Variants in TCF20 observed in about 807,000 individuals in gnomAD.
TCF20 encodes SPRE-binding protein.
In TCF20, 3 loss-of-function variants were observed where a neutral mutation model predicts 148.6. The ratio of observed to expected loss-of-function variants is 0.02; its 90% CI spans 0.01 to 0.05. TCF20 has a LOEUF of 0.05. Among genes scored for constraint, TCF20 ranks in the 10% least tolerant of loss-of-function variants. The pLI is 1.00. For missense variants in TCF20, 2,350 were observed against 2,429.3 expected (o/e 0.97, Z 0.69); for synonymous variants, 1,049 against 909.5 (o/e 1.15, Z -2.76).
intron 2 of TCF20, among the ~76,000 whole-genome samples, chr22:42,180,171 G>A (rs1421406491): frequency 6.6e-6 from 1 of 152,004 alleles, no homozygotes; most frequent in Admixed American, 6.6e-5. Flanking sequence ...AGTGGAATTT[G>A]GTTTCTAGTT....
At chr22:42,305,115 G>A (rs1927409363) in intron 1 of TCF20, among the ~76,000 whole-genome samples, 1 of 152,026 alleles carries the variant, frequency 6.6e-6, no homozygotes, top group Non-Finnish European at 1.5e-5. Context: ...ACCCCCTGGA[G>A]CCCCTCCCCA....
rs547322777 is a variant in TCF20 at position 42,340,894 on chromosome 22, C to G, written c.-37+2585G>C. 9.7e-3 allele frequency among the ~76,000 whole-genome samples: 1,327 copies of G among 136,794 alleles called. 20 individuals carry two copies. Among genetic ancestry groups the G allele is most frequent in the African/African-American group, 0.033 (1,252 of 37,468 alleles). The allele number at this position is 136,794 out of a possible 152,430, so 89.7% of individuals were successfully genotyped here. On this transcript the variant is annotated intron_variant, in intron 1 of 1. Coordinates refer to the TCF20 transcript ENST00000515426. ...AGGAGAGGAGGGAAGCCCCCCCCCC[C>G]ACCCCAACCAGCCCGCAGCCGGCTC...
Position 42,211,187 on chromosome 22 carries a change from C to T in TCF20, c.4119G>A (p.Ala1373=), listed in dbSNP as rs533790420. 2.1e-4 allele frequency: 341 copies of T among 1,614,192 alleles called. 1 individual carries two copies. In the South Asian group the frequency reaches 3.4e-3, roughly 16 times the overall value. ...GCGTAACCGTGTCTCCCCCAGCCTCCGCACTGTTCGAAGATGCGCTCCTCC... is the reference window on the plus strand; with the variant it reads ...GCGTAACCGTGTCTCCCCCAGCCTCTGCACTGTTCGAAGATGCGCTCCTCC... ...NIRRSASSNS[A]EAGGDTVTLD... Residue 1373 remains alanine (A), a synonymous_variant, in exon 2 of 6, where the codon GCG becomes GCA. Coordinates refer to ENST00000677622, the MANE Select transcript of TCF20 (RefSeq NM_001378418.1).
chr22:42,254,076 CAAAAAAAAAAAA>C (rs528387021), intron 1 of TCF20, among the ~76,000 whole-genome samples: 3 of 53,584 alleles, frequency 5.6e-5, no homozygotes, highest in Admixed American at 4.1e-4. Context: ...AACTCCCTTT[CAAAAAAAAAAAA>C]AAAAAAAAAA....
chr22:42,292,693 C>T lies in TCF20; in HGVS notation c.-37+50786G>A, dbSNP rs988372226. Among the ~76,000 whole-genome samples, 3 of 152,032 alleles carry T rather than the reference C, an allele frequency of 2.0e-5. No individual in the cohort carries two copies. The highest frequency in any genetic ancestry group is 2.9e-5 in the Non-Finnish European group (2 of 68,010). ...CCTGTTTGAGCTGCAAAGCAGCACACACCTGGGACACAGGACCCCACGGCT... is the reference window on the plus strand; with the variant it reads ...CCTGTTTGAGCTGCAAAGCAGCACATACCTGGGACACAGGACCCCACGGCT... On this transcript the variant is annotated intron_variant, in intron 1 of 1. Coordinates refer to the TCF20 transcript ENST00000515426. This position sits in a 1 kb window ranked among gnomAD's most constrained non-coding sequence, Gnocchi z 4.9.
intron 1 of TCF20, among the ~76,000 whole-genome samples, chr22:42,303,428 G>T (rs76585242): frequency 2.0e-5 from 3 of 152,254 alleles, no homozygotes; most frequent in African/African-American, 7.2e-5. Flanking sequence ...CCGAGCGTTC[G>T]CTCGGTGCAG....
chr22:42,266,956 A>G (rs1391077622), intron 1 of TCF20, among the ~76,000 whole-genome samples: 1 of 151,938 alleles, frequency 6.6e-6, no homozygotes, highest in East Asian at 1.9e-4. Flanking sequence ...TGTAATATAC[A>G]TGTGAGCATG....
chr22:42,296,239 G>A (rs566362690), intron 1 of TCF20, among the ~76,000 whole-genome samples: 6 of 152,300 alleles, frequency 3.9e-5, no homozygotes, highest in Admixed American at 6.5e-5. Context: ...CTCAGCGAAC[G>A]GGATGCTGTG....
chr22:42,184,834 A>G (rs1785427700), intron 2 of TCF20, among the ~76,000 whole-genome samples: 1 of 152,224 alleles, frequency 6.6e-6, no homozygotes, highest in African/African-American at 2.4e-5. Flanking sequence ...TTGATACTCT[A>G]AACTTGGGAA....
chr22:42,183,588 CT>C (rs1416806134), intron 2 of TCF20, among the ~76,000 whole-genome samples: 28 of 152,172 alleles, frequency 1.8e-4, no homozygotes, highest in Non-Finnish European at 5.9e-5. Flanking sequence ...AGACTCTGGA[CT>C]TTTCCAAAGC....
intron 1 of TCF20, among the ~76,000 whole-genome samples, chr22:42,294,857 G>A (rs866144687): frequency 1.3e-5 from 2 of 152,330 alleles, no homozygotes; most frequent in South Asian, 2.1e-4. Context: ...AATACACACC[G>A]GTGCTGTGGT....
chr22:42,339,794 GTGCTCACGGGGCCAGCCTGA>G (rs1186434187), intron 1 of TCF20, among the ~76,000 whole-genome samples: 1 of 152,212 alleles, frequency 6.6e-6, no homozygotes, highest in Non-Finnish European at 1.5e-5. Flanking sequence ...GGCCAGCCAG[GTGCTCACGGGGCCAGCCTGA>G]TGCTCACGGA....
At chr22:42,328,824 C>T (rs1259421868) in intron 1 of TCF20, among the ~76,000 whole-genome samples, 1 of 152,218 alleles carries the variant, frequency 6.6e-6, no homozygotes, top group African/African-American at 2.4e-5. Context: ...AAAGCCCCCA[C>T]CCCAGGTCTT....
At chr22:42,229,726 T>G (rs1041152073) in intron 1 of TCF20, among the ~76,000 whole-genome samples, 1 of 152,228 alleles carries the variant, frequency 6.6e-6, no homozygotes, top group Non-Finnish European at 1.5e-5. Flanking sequence ...TTTCCAAATC[T>G]GAGTCATTCC....
At chr22:42,232,300 T>A (rs1923489446) in intron 1 of TCF20, among the ~76,000 whole-genome samples, 1 of 152,018 alleles carries the variant, frequency 6.6e-6, no homozygotes, top group Non-Finnish European at 1.5e-5. Flanking sequence ...AGGCTAGGTG[T>A]GTGTAAGTAC....
intron 1 of TCF20, among the ~76,000 whole-genome samples, chr22:42,302,825 A>G (rs982196642): frequency 1.3e-4 from 20 of 152,282 alleles, no homozygotes; most frequent in Non-Finnish European, 1.6e-4. Flanking sequence ...CCTGGGTGCA[A>G]CTTCAGGCTG....
At chr22:42,275,462 C>T (rs1926756671), upstream of TCF20, among the ~76,000 whole-genome samples, 1 of 152,216 alleles carries the variant, frequency 6.6e-6, no homozygotes, top group African/African-American at 2.4e-5. Flanking sequence ...ACTCACTGTC[C>T]CCAGTGGCTG....
intron 1 of TCF20, chr22:42,269,704 G>A (rs1926487689): frequency 6.6e-6 from 1 of 152,588 alleles, no homozygotes; most frequent in African/African-American, 2.4e-5. Context: ...CACAGGAAGT[G>A]TGTCCTGCGC....
intron 3 of TCF20, among the ~76,000 whole-genome samples, chr22:42,173,652 A>G (rs1364711754): frequency 6.6e-6 from 1 of 152,232 alleles, no homozygotes; most frequent in Non-Finnish European, 1.5e-5. Context: ...ATACACAGAG[A>G]GCAATTTCCA....
Sources: allele counts gnomAD v4.1 joint callset (sites outside exome capture counted in the v4.1 genomes callset), GRCh38; gene constraint gnomAD v4.1.1; non-coding constraint Gnocchi (gnomAD v3.1); transcripts MANE v1.5; gene names NCBI Gene and HGNC (gene_info 2026-07-23, HGNC 2026-07-21).